CTNNA3: variants seen among roughly 807,000 people sequenced by gnomAD.
CTNNA3 encodes catenin alpha 3, also known as catenin alpha-3.
CTNNA3 carries 76 observed loss-of-function variants against 95.7 expected under a neutral mutation model. The observed-to-expected ratio is 0.79, with a 90% CI of 0.66 to 0.96. CTNNA3 has a LOEUF of 0.96. Ranked by LOEUF, CTNNA3 falls within the 40% of genes least tolerant of loss-of-function variation. The pLI, the probability that CTNNA3 is intolerant of heterozygous loss-of-function variation, is 0.00. For missense variants in CTNNA3, 1,191 were observed against 1,089.8 expected, an observed-to-expected ratio of 1.09 and a Z score of -1.31; for synonymous variants, 431 against 374.4, an observed-to-expected ratio of 1.15 and a Z score of -1.74.
At chr10:66,613,350 C>T (rs1844395160) in intron 10 of CTNNA3, among the ~76,000 whole-genome samples, 1 of 152,006 alleles carries the variant, frequency 6.6e-6, no homozygotes, top group Non-Finnish European at 1.5e-5. Flanking sequence ...TGAGTACCCC[C>T]TAAATCCCCA....
chr10:66,372,042 A>G (rs75653594), intron 12 of CTNNA3, among the ~76,000 whole-genome samples: 2,781 of 152,196 alleles, frequency 0.018, 99 homozygotes, highest in African/African-American at 0.065. Context: ...CTGGAATGGT[A>G]CTTTGAAAAG....
chr10:67,643,185 G>A (rs143993132), intron 2 of CTNNA3, among the ~76,000 whole-genome samples: 5,395 of 152,278 alleles, frequency 0.035, 95 homozygotes, highest in Middle Eastern at 0.078. Flanking sequence ...CATGGATGGA[G>A]TTGGAAGTCA....
chr10:66,409,917 T>TA (rs2093089626), intron 11 of CTNNA3, among the ~76,000 whole-genome samples: 8 of 152,238 alleles, frequency 5.3e-5, no homozygotes, highest in Admixed American at 5.2e-4. Flanking sequence ...CTCTGGGAAA[T>TA]CTCCATACTC....
At chr10:66,388,839 C>T (rs1257550406) in intron 11 of CTNNA3, among the ~76,000 whole-genome samples, 3 of 152,012 alleles carry the variant, frequency 2.0e-5, no homozygotes, top group Non-Finnish European at 4.4e-5. Context: ...GACACGTTCC[C>T]ATTACCCTGA....
At chr10:66,976,429 TCTCACCACCA>T (rs1443395528) in intron 7 of CTNNA3, among the ~76,000 whole-genome samples, 3 of 152,160 alleles carry the variant, frequency 2.0e-5, no homozygotes, top group Admixed American at 2.0e-4. Context: ...TTTCCATTTT[TCTCACCACCA>T]CTTCTATTCT....
At chr10:66,398,430 A>G (rs2092995921) in intron 11 of CTNNA3, among the ~76,000 whole-genome samples, 1 of 151,824 alleles carries the variant, frequency 6.6e-6, no homozygotes, top group Admixed American at 6.6e-5. Context: ...GATCAGTGTA[A>G]TGTATCTATG....
intron 10 of CTNNA3, among the ~76,000 whole-genome samples, chr10:66,551,823 G>A (rs921008535): frequency 2.0e-5 from 3 of 151,058 alleles, no homozygotes; most frequent in Non-Finnish European, 2.9e-5. Flanking sequence ...GGAGCTGTCC[G>A]TACATGCATA....
At chr10:67,351,504 CA>C (rs1842637302) in intron 5 of CTNNA3, among the ~76,000 whole-genome samples, 1 of 151,720 alleles carries the variant, frequency 6.6e-6, no homozygotes, top group Non-Finnish European at 1.5e-5. Context: ...AGTATTTAAA[CA>C]AAAAACCAAG....
chr10:67,219,811 C>G lies in CTNNA3; in HGVS notation c.639G>C (p.Glu213Asp). The G allele has an allele frequency of 6.2e-7, 1 of 1,613,838 alleles. No individual in the cohort carries two copies. Among genetic ancestry groups the G allele is most frequent in the Non-Finnish European group, 8.5e-7 (1 of 1,179,806 alleles). Residue 213 changes from glutamate to aspartate, a missense_variant, in exon 6 of 18, where the codon GAG becomes GAC. Coordinates refer to ENST00000433211, the MANE Select transcript of CTNNA3 (RefSeq NM_013266.4). ...AAATTGAATGCAAGAGGGGAGAGTTCTCCTTCAGTGAAGCTCGGGCTCCTG... is the reference window on the plus strand; with the variant it reads ...AAATTGAATGCAAGAGGGGAGAGTTGTCCTTCAGTGAAGCTCGGGCTCCTG... ...EIAGARASLK[E>D]NSPLLHSICS...
intron 13 of CTNNA3, among the ~76,000 whole-genome samples, chr10:66,120,593 A>G (rs1427707146): frequency 6.6e-6 from 1 of 152,124 alleles, no homozygotes; most frequent in African/African-American, 2.4e-5. Context: ...GAAAATTTTT[A>G]AAGCATTATG....
chr10:66,526,431 C>T (rs1023681174), intron 10 of CTNNA3, among the ~76,000 whole-genome samples: 13 of 152,176 alleles, frequency 8.5e-5, no homozygotes, highest in African/African-American at 3.1e-4. Context: ...AGGTGATCTA[C>T]TGGCCTCAGC....
intron 5 of CTNNA3, among the ~76,000 whole-genome samples, chr10:67,489,916 C>T (rs940168713): frequency 6.6e-6 from 1 of 152,060 alleles, no homozygotes. Context: ...TTGGGTTCCA[C>T]ATTTAAGTGA....
intron 1 of CTNNA3, among the ~76,000 whole-genome samples, chr10:67,670,230 C>G (rs998092082): frequency 6.6e-6 from 1 of 152,192 alleles, no homozygotes. Context: ...TTCTCCCACA[C>G]TCTCTGTTTC....
chr10:66,285,069 C>T (rs1361033004), intron 12 of CTNNA3, among the ~76,000 whole-genome samples: 1 of 151,804 alleles, frequency 6.6e-6, no homozygotes, highest in African/African-American at 2.4e-5. Flanking sequence ...GTAAGGATTT[C>T]ACCATTTTTC....
chr10:66,443,155 G>C (rs188688609), intron 11 of CTNNA3, among the ~76,000 whole-genome samples: 3 of 152,128 alleles, frequency 2.0e-5, no homozygotes, highest in African/African-American at 7.2e-5. Flanking sequence ...ACAAAGCAGC[G>C]GGGAAGCTCG....
intron 13 of CTNNA3, among the ~76,000 whole-genome samples, chr10:66,161,380 T>C (rs2084836078): frequency 6.6e-6 from 1 of 152,240 alleles, no homozygotes; most frequent in Non-Finnish European, 1.5e-5. Context: ...GCCATTCTTA[T>C]AGTGGTGGCT....
chr10:66,664,895 A>T (rs1444772008), intron 9 of CTNNA3, among the ~76,000 whole-genome samples: 2 of 27,388 alleles, frequency 7.3e-5, no homozygotes, highest in Non-Finnish European at 1.6e-4. Flanking sequence ...AAATTAAAAA[A>T]AAAAAAAAAA....
intron 7 of CTNNA3, among the ~76,000 whole-genome samples, chr10:67,059,768 T>G (rs1564862265): frequency 6.6e-6 from 1 of 152,194 alleles, no homozygotes; most frequent in Non-Finnish European, 1.5e-5. Context: ...AGTTTAGCTA[T>G]GTTAATCTGT....
At chr10:66,252,437 C>T (rs187523482) in intron 13 of CTNNA3, among the ~76,000 whole-genome samples, 1 of 152,270 alleles carries the variant, frequency 6.6e-6, no homozygotes, top group Non-Finnish European at 1.5e-5. Context: ...CAACAACTAG[C>T]TGCTAATTAT....
Sources: allele counts gnomAD v4.1 joint callset (sites outside exome capture counted in the v4.1 genomes callset), GRCh38; gene constraint gnomAD v4.1.1; transcripts MANE v1.5; gene names NCBI Gene and HGNC (gene_info 2026-07-23, HGNC 2026-07-21).